Variants in TMOD3 observed in about 807,000 individuals in gnomAD.
The protein encoded by TMOD3 is tropomodulin-3.
In TMOD3, 20 loss-of-function variants were observed where a neutral mutation model predicts 39.2. The observed-to-expected ratio is 0.51, with a 90% confidence interval of 0.36 to 0.74. The LOEUF (loss-of-function observed/expected upper bound fraction) is 0.74. TMOD3 is among the 30% of genes least tolerant of loss of function. The probability of loss-of-function intolerance (pLI) is 0.00; values close to 1 mark genes in which losing one functional copy is unlikely to be tolerated. For missense variants in TMOD3, 381 were observed against 412.8 expected (o/e 0.92, Z 0.67); for synonymous variants, 143 against 145.8 (o/e 0.98, Z 0.14).
chr15:51,857,178 G>T (rs901901801), intron 1 of TMOD3, among the ~76,000 whole-genome samples: 4 of 152,186 alleles, frequency 2.6e-5, no homozygotes, highest in African/African-American at 7.2e-5. Flanking sequence ...AAGAAAAGGG[G>T]CAGATCTAAA....
At chr15:51,834,600 G>A (rs576709871) in intron 1 of TMOD3, among the ~76,000 whole-genome samples, 1 of 152,258 alleles carries the variant, frequency 6.6e-6, no homozygotes, top group Non-Finnish European at 1.5e-5. Context: ...GGAGACCAAG[G>A]CAGGCAGATC....
At chr15:51,907,121 T>TC (rs1291737283) in intron 9 of TMOD3, 1 of 152,088 alleles carries the variant, frequency 6.6e-6, no homozygotes, top group Admixed American at 6.6e-5. Context: ...GGCTCAAGTC[T>TC]CCATTTAATT....
At chr15:51,897,481 AATTTTTTTTTTTTTTTTTTTTGAG>A (rs2056626710) in intron 7 of TMOD3, among the ~76,000 whole-genome samples, 1 of 136,908 alleles carries the variant, frequency 7.3e-6, no homozygotes. Flanking sequence ...AAAAAAAAAA[AATTTTTTTTTTTTTTTTTTTTGAG>A]ACAGCGTCTC....
At chr15:51,839,425 C>T (rs1033547715) in intron 1 of TMOD3, among the ~76,000 whole-genome samples, 1 of 152,034 alleles carries the variant, frequency 6.6e-6, no homozygotes, top group African/African-American at 2.4e-5. Context: ...CCTGCCTTGG[C>T]CTCCCAAATT....
intron 3 of TMOD3, among the ~76,000 whole-genome samples, chr15:51,878,613 T>A (rs541973714): frequency 2.6e-5 from 4 of 152,312 alleles, no homozygotes; most frequent in African/African-American, 9.6e-5. Context: ...GTCTAGTATA[T>A]ACAAACTCAC....
At chr15:51,831,961 T>G (rs2056257550) in intron 1 of TMOD3, among the ~76,000 whole-genome samples, 1 of 151,918 alleles carries the variant, frequency 6.6e-6, no homozygotes, top group South Asian at 2.1e-4. Context: ...GGTAGGAGGA[T>G]TGCTTGAACC....
At position 51,912,240 on chromosome 15, in the gene TMOD3, C is replaced by T. The variant is rs2056715216; in HGVS notation, c.*3430C>T. ...GTCAGGAGTTCGAGACCAGCCTGAC[C>T]AACATGGAGAAACCCTGTCTCTACT... On this transcript the variant is annotated 3_prime_UTR_variant, in exon 10 of 10. Transcript: ENST00000308580. 1.3e-5 allele frequency: 2 copies of T among 152,008 alleles called. No homozygotes were observed. Among genetic ancestry groups the T allele is most frequent in the Non-Finnish European group, 2.9e-5 (2 of 68,016 alleles). The allele number at this position is 152,008 out of a possible 1,614,324, so 9.4% of individuals were successfully genotyped here. A position where few individuals can be genotyped will look rare whatever the true frequency, so the allele number is the denominator to read the frequency against.
intron 2 of TMOD3, among the ~76,000 whole-genome samples, chr15:51,865,992 C>A (rs920809035): frequency 6.6e-6 from 1 of 152,038 alleles, no homozygotes; most frequent in Non-Finnish European, 1.5e-5. Context: ...AGCAAAATTG[C>A]ACTGCAAGAG....
At chr15:51,849,986 C>T (rs1167109146) in intron 1 of TMOD3, among the ~76,000 whole-genome samples, 2 of 151,044 alleles carry the variant, frequency 1.3e-5, no homozygotes, top group Non-Finnish European at 2.9e-5. Flanking sequence ...GGATTTAGCA[C>T]TGTGCTGGCA....
chr15:51,869,417 T>A, intron 3 of TMOD3, 44 bp downstream of exon 3: 1 of 1,587,330 alleles, frequency 6.3e-7, no homozygotes, highest in Non-Finnish European at 8.5e-7. Context: ...AACACTTGAT[T>A]TTTCTTTTTA....
At chr15:51,841,324 A>G (rs1327434676) in intron 1 of TMOD3, among the ~76,000 whole-genome samples, 2 of 152,252 alleles carry the variant, frequency 1.3e-5, no homozygotes, top group African/African-American at 4.8e-5. Context: ...GTTTTATTCT[A>G]TCACTAAAGG....
rs535127291 is a variant in TMOD3 at position 51,911,006 on chromosome 15, A to T, written c.*2196A>T. ...TTCTCCTCTCTTTTTTTTTCCCCGC[A>T]TATGCAGCTTTTTGATTGTACTTGA... On this transcript the variant is annotated 3_prime_UTR_variant, in exon 10 of 10. Coordinates refer to ENST00000308580, the MANE Select transcript of TMOD3 (RefSeq NM_014547.5). The T allele has an allele frequency of 6.8e-6, 1 of 146,994 alleles. No individual in the cohort carries two copies. The highest frequency in any genetic ancestry group is 2.2e-4 in the South Asian group (1 of 4,642). 9.1% of individuals were successfully genotyped at this position (146,994 alleles called of 1,614,324 possible).
rs1377806728 is a variant in TMOD3, at chr15:51,902,650, T to G, written c.1024+614T>G. ...GTGCCCAGCTAATTTTTGTATTTTTTTTTTTTTTTTTTTTTTTGAGACAGA... is the reference window on the plus strand; with the variant it reads ...GTGCCCAGCTAATTTTTGTATTTTTGTTTTTTTTTTTTTTTTTGAGACAGA... On this transcript the variant is annotated intron_variant, in intron 9 of 9. Coordinates refer to ENST00000308580, the MANE Select transcript of TMOD3 (RefSeq NM_014547.5). 4.2e-4 allele frequency among the ~76,000 whole-genome samples: 52 copies of G among 124,638 alleles called. 1 individual carries two copies. The highest frequency in any genetic ancestry group is 1.5e-3 in the African/African-American group (42 of 28,686). The allele number at this position is 124,638 out of a possible 152,430, so 81.8% of individuals were successfully genotyped here.
Position 51,909,858 on chromosome 15 carries a change from A to C in TMOD3, c.*1048A>C, listed in dbSNP as rs2056701317. 6.6e-6 allele frequency: 1 copy of C among 152,230 alleles called. No individual in the cohort carries two copies. The highest frequency in any genetic ancestry group is 1.5e-5 in the Non-Finnish European group (1 of 68,050). 9.4% of individuals were successfully genotyped at this position (152,230 alleles called of 1,614,324 possible). On this transcript the variant is annotated 3_prime_UTR_variant, in exon 10 of 10. Transcript: ENST00000308580. ...ATAAACAGTATTTAATCACTGCTACAAATCTTCCAACCAAGAAGGAAAACT... is the reference window on the plus strand; with the variant it reads ...ATAAACAGTATTTAATCACTGCTACCAATCTTCCAACCAAGAAGGAAAACT...
intron 3 of TMOD3, among the ~76,000 whole-genome samples, chr15:51,879,608 A>G (rs1356665353): frequency 6.6e-6 from 1 of 151,952 alleles, no homozygotes; most frequent in Non-Finnish European, 1.5e-5. Flanking sequence ...AGCAGAAGAA[A>G]AAATTAGATC....
intron 3 of TMOD3, among the ~76,000 whole-genome samples, chr15:51,882,970 T>A (rs2056542456): frequency 6.6e-6 from 1 of 152,264 alleles, no homozygotes; most frequent in African/African-American, 2.4e-5. Flanking sequence ...TCCACTTTTC[T>A]ATAACTAAGC....
intron 1 of TMOD3, among the ~76,000 whole-genome samples, chr15:51,855,545 T>C (rs1471644101): frequency 6.6e-6 from 1 of 152,270 alleles, no homozygotes; most frequent in Non-Finnish European, 1.5e-5. Flanking sequence ...TTTTCTTAAA[T>C]GATCGTGAGA....
At chr15:51,833,066 G>T (rs1190313236) in intron 1 of TMOD3, 2 of 152,178 alleles carry the variant, frequency 1.3e-5, no homozygotes, top group African/African-American at 4.8e-5. Context: ...AATATATGGA[G>T]AGAAAAATGG....
chr15:51,861,151 C>T (rs1595895971), intron 1 of TMOD3: 1 of 501,218 alleles, frequency 2.0e-6, no homozygotes, highest in East Asian at 5.1e-5. Context: ...TTGAAAAGGG[C>T]TCTTTCCTGG....
Sources: gnomAD v4.1 joint callset for allele counts (sites outside exome capture counted in the v4.1 genomes callset) on GRCh38, gnomAD v4.1.1 for gene constraint, MANE v1.5 for transcripts, NCBI Gene and HGNC (gene_info 2026-07-23, HGNC 2026-07-21) for gene names.